ATOSA: variants seen among roughly 807,000 people sequenced by gnomAD.
The protein encoded by ATOSA is atos homolog A.
the ATOSA span, chr15:52,587,461 T>G: frequency 3.1e-6 from 1 of 320,304 alleles, no homozygotes; most frequent in African/African-American, 2.2e-5. Flanking sequence ...TCAAAATTAC[T>G]ATTAAGATAT....
At chr15:52,703,965 C>T in the ATOSA span, among the ~76,000 whole-genome samples, 1 of 151,768 alleles carries the variant, frequency 6.6e-6, no homozygotes, top group Non-Finnish European at 1.5e-5. Context: ...CCAGGATATA[C>T]TATTAAGAGA....
chr15:52,677,427 A>C, the ATOSA span, among the ~76,000 whole-genome samples: 2 of 152,212 alleles, frequency 1.3e-5, no homozygotes, highest in African/African-American at 4.8e-5. Context: ...TAAATCCTGA[A>C]AATACAGGTT....
At chr15:52,680,370 G>GT in the ATOSA span, among the ~76,000 whole-genome samples, 3,081 of 148,754 alleles carry the variant, frequency 0.021, 115 homozygotes, top group African/African-American at 0.072. Flanking sequence ...ATTAGAAAAA[G>GT]TTTTTTTTTT....
At chr15:52,597,225 A>G in the ATOSA span, among the ~76,000 whole-genome samples, 21 of 6,434 alleles carry the variant, frequency 3.3e-3, no homozygotes, top group East Asian at 0.17. Flanking sequence ...ATTCTATTCT[A>G]TTCTATTCTA....
the ATOSA span, among the ~76,000 whole-genome samples, chr15:52,650,281 A>G: frequency 0.018 from 2,665 of 152,182 alleles, 84 homozygotes; most frequent in African/African-American, 0.061. Flanking sequence ...AGTGCTTTAT[A>G]TTGTGGAGGC....
At chr15:52,598,743 T>C in the ATOSA span, 1 of 132,110 alleles carries the variant, frequency 7.6e-6, no homozygotes, top group Admixed American at 7.5e-5. Flanking sequence ...TTCCCTGACA[T>C]GGTTTGCATA....
At chr15:52,584,788 G>T in the ATOSA span, 1 of 1,613,518 alleles carries the variant, frequency 6.2e-7, no homozygotes, top group Non-Finnish European at 8.5e-7. Context: ...TCTGTGTGTC[G>T]GATGTTCTCT....
the ATOSA span, among the ~76,000 whole-genome samples, chr15:52,613,051 G>A: frequency 6.6e-6 from 1 of 152,100 alleles, no homozygotes; most frequent in South Asian, 2.1e-4. Flanking sequence ...AACACAAAGT[G>A]GATGAGCCAG....
At chr15:52,646,820 A>G in the ATOSA span, among the ~76,000 whole-genome samples, 16 of 152,236 alleles carry the variant, frequency 1.1e-4, no homozygotes, top group Non-Finnish European at 1.8e-4. Context: ...CCACAAAATT[A>G]TGTGTACATA....
the ATOSA span, chr15:52,582,413 A>G: frequency 1.1e-6 from 1 of 895,608 alleles, no homozygotes; most frequent in Non-Finnish European, 1.6e-6. Flanking sequence ...CTACAATATT[A>G]GGTCAACACT....
At chr15:52,620,953 A>G in the ATOSA span, among the ~76,000 whole-genome samples, 1 of 152,182 alleles carries the variant, frequency 6.6e-6, no homozygotes, top group Non-Finnish European at 1.5e-5. Flanking sequence ...ATAAAATAAA[A>G]ATAAAAAGTG....
At chr15:52,690,691 A>G in the ATOSA span, among the ~76,000 whole-genome samples, 8 of 152,244 alleles carry the variant, frequency 5.3e-5, no homozygotes, top group African/African-American at 1.2e-4. Flanking sequence ...AAATGATGAC[A>G]TTTATATGCT....
chr15:52,619,899 C>G, the ATOSA span, among the ~76,000 whole-genome samples: 3 of 150,132 alleles, frequency 2.0e-5, no homozygotes, highest in African/African-American at 7.3e-5. Context: ...TTGAAGAGAA[C>G]AGAAAGGATG....
chr15:52,605,305 G>A, the ATOSA span: 3 of 1,280,600 alleles, frequency 2.3e-6, no homozygotes, highest in South Asian at 4.1e-5. Flanking sequence ...AAAGAACTTG[G>A]ACAGTGTTTT....
At chr15:52,611,954 G>A in the ATOSA span, among the ~76,000 whole-genome samples, 1 of 152,092 alleles carries the variant, frequency 6.6e-6, no homozygotes, top group Non-Finnish European at 1.5e-5. Context: ...TATGCTTAGT[G>A]AGCTCTAGAG....
the ATOSA span, chr15:52,611,241 A>C: frequency 3.1e-6 from 5 of 1,613,024 alleles, no homozygotes; most frequent in African/African-American, 6.7e-5. Flanking sequence ...CTCTTCAATA[A>C]ATCGGTCACC....
chr15:52,610,631 G>T, the ATOSA span, among the ~76,000 whole-genome samples: 1 of 152,120 alleles, frequency 6.6e-6, no homozygotes. Flanking sequence ...TAAAGCTCAA[G>T]AATATTATAA....
At chr15:52,704,669 A>G in the ATOSA span, among the ~76,000 whole-genome samples, 122 of 152,302 alleles carry the variant, frequency 8.0e-4, no homozygotes, top group African/African-American at 2.8e-3. Flanking sequence ...AGAAAAAAAC[A>G]AAAAACCCCA....
At chr15:52,694,731 A>G in the ATOSA span, among the ~76,000 whole-genome samples, 6 of 152,108 alleles carry the variant, frequency 3.9e-5, no homozygotes, top group Non-Finnish European at 8.8e-5. Flanking sequence ...AAAATACAAA[A>G]TACACACAAT....
Sources: gnomAD v4.1 joint callset for allele counts (sites outside exome capture counted in the v4.1 genomes callset) on GRCh38, gnomAD v4.1.1 for gene constraint, MANE v1.5 for transcripts, NCBI Gene and HGNC (gene_info 2026-07-23, HGNC 2026-07-21) for gene names.